The following CEP112 variants were observed in gnomAD, a reference collection of about 807,000 sequenced individuals.
CEP112 encodes centrosomal protein of 112 kDa.
CEP112 carries 127 observed loss-of-function variants against 153.0 expected under a neutral mutation model. The observed-to-expected ratio is 0.83, with a 90% CI of 0.72 to 0.96. CEP112 has a LOEUF of 0.96. CEP112 is among the 40% of genes least tolerant of loss of function. The probability of loss-of-function intolerance (pLI) is 0.00; values close to 1 mark genes in which losing one functional copy is unlikely to be tolerated. For synonymous variants in CEP112, 358 were observed against 374.4 expected, an observed-to-expected ratio of 0.96 and a Z score of 0.51; for missense variants, 1,089 against 1,101.2, an observed-to-expected ratio of 0.99 and a Z score of 0.16.
At chr17:65,829,330 C>G (rs1398391679) in intron 21 of CEP112, among the ~76,000 whole-genome samples, 7 of 152,062 alleles carry the variant, frequency 4.6e-5, no homozygotes, top group African/African-American at 1.7e-4. Flanking sequence ...GCAAACCAGG[C>G]CCATAGAGAA....
intron 6 of CEP112, among the ~76,000 whole-genome samples, chr17:66,121,156 A>G (rs1264896690): frequency 6.6e-6 from 1 of 152,128 alleles, no homozygotes; most frequent in Non-Finnish European, 1.5e-5. Flanking sequence ...CATGCCTGTA[A>G]TCCCAGCTAC....
At chr17:65,800,665 A>G (rs2145818833) in intron 21 of CEP112, among the ~76,000 whole-genome samples, 1 of 152,288 alleles carries the variant, frequency 6.6e-6, no homozygotes, top group South Asian at 2.1e-4. Context: ...TCTAAGTTTA[A>G]TTTTTTGAGA....
At chr17:66,120,570 A>C (rs1429272409) in intron 6 of CEP112, among the ~76,000 whole-genome samples, 2 of 152,118 alleles carry the variant, frequency 1.3e-5, no homozygotes, top group Non-Finnish European at 2.9e-5. Flanking sequence ...TATCTATTTC[A>C]TCTTAAGTGA....
At chr17:65,851,704 C>T in intron 21 of CEP112, 100 bp downstream of exon 21, 6 of 814,236 alleles carry the variant, frequency 7.4e-6, no homozygotes, top group Non-Finnish European at 1.2e-5. Flanking sequence ...AAGAGTAATG[C>T]CATGTCTACT....
rs572751252 is a variant in CEP112, at chr17:65,696,947, G to C, written c.2608-7729C>G. Among the ~76,000 whole-genome samples, 9 of 152,234 alleles carry C rather than the reference G, an allele frequency of 5.9e-5. No homozygotes were observed. The South Asian group carries it at 1.9e-3, about 32-fold the overall frequency. On this transcript the variant is annotated intron_variant, in intron 23 of 26. Coordinates refer to ENST00000535342, the MANE Select transcript of CEP112 (RefSeq NM_001199165.4). Reference sequence around the variant, plus strand: ...CTCAGTGGGGAGGAGGGATGCGGGAGGATTTACCCCATGAATGTTTTGAAC... The same window carrying C: ...CTCAGTGGGGAGGAGGGATGCGGGACGATTTACCCCATGAATGTTTTGAAC...
rs772197906 is a variant in CEP112 at position 65,852,016 on chromosome 17, C to T, written c.2182G>A (p.Ala728Thr). ...RDAQVIADME[A>T]QVHKLREELI... ...TCTTCTCTCAACTTGTGAACCTGGG[C>T]CTCCATGTCGGCAATAACCTTGTTT... is the stretch of plus-strand genomic sequence containing the variant. The change falls in exon 21 of 27, where the codon GCC becomes ACC. Residue 728 changes from alanine (A) to threonine (T), a missense_variant. By Grantham distance (58) the Ala-to-Thr change is moderately conservative (BLOSUM62 0). Transcript: ENST00000535342. 6.8e-6 allele frequency: 11 copies of T among 1,609,396 alleles called. No homozygotes were observed. The African/African-American group carries it at 1.5e-4, about 22-fold the overall frequency.
intron 21 of CEP112, among the ~76,000 whole-genome samples, chr17:65,758,610 A>G (rs960424883): frequency 6.6e-6 from 1 of 152,222 alleles, no homozygotes; most frequent in African/African-American, 2.4e-5. Flanking sequence ...AGATTTGTCT[A>G]AAATATTTAT....
In CEP112 at chr17:65,928,024, A is replaced by G. The variant is rs148922866; in HGVS notation, c.1873-335T>C. Among the ~76,000 whole-genome samples, 405 of 152,326 alleles carry G rather than the reference A, an allele frequency of 2.7e-3. 3 individuals are homozygous for G. The highest frequency in any genetic ancestry group is 6.8e-3 in the Middle Eastern group (2 of 294). On this transcript the variant is annotated intron_variant, in intron 18 of 26. Transcript: ENST00000535342. ...GAATGAGATAAAATATTTCCAAATCATATCTCTAATAAGAGACATATCTTG... is the reference window on the plus strand; with the variant it reads ...GAATGAGATAAAATATTTCCAAATCGTATCTCTAATAAGAGACATATCTTG...
chr17:65,948,271 A>G (rs2061707362), intron 18 of CEP112, among the ~76,000 whole-genome samples: 1 of 152,192 alleles, frequency 6.6e-6, no homozygotes, highest in South Asian at 2.1e-4. Context: ...TTAGCATCAT[A>G]TATCTAATGA....
At chr17:65,820,278 A>G (rs1351117088) in intron 21 of CEP112, among the ~76,000 whole-genome samples, 2 of 152,152 alleles carry the variant, frequency 1.3e-5, no homozygotes, top group Admixed American at 6.5e-5. Flanking sequence ...TCTCTCTTCC[A>G]TAAAAGATCC....
At chr17:66,134,562 G>C (rs970616724) in intron 4 of CEP112, among the ~76,000 whole-genome samples, 18 of 152,166 alleles carry the variant, frequency 1.2e-4, no homozygotes, top group African/African-American at 4.1e-4. Flanking sequence ...CTCTGGCCAG[G>C]TGCAGTAGCT....
intron 4 of CEP112, among the ~76,000 whole-genome samples, chr17:66,142,733 T>C (rs550585699): frequency 6.6e-6 from 1 of 152,304 alleles, no homozygotes; most frequent in South Asian, 2.1e-4. Flanking sequence ...GCCAGTATCA[T>C]ACTGTTTCAA....
chr17:66,016,961 T>C (rs527366217), intron 16 of CEP112, among the ~76,000 whole-genome samples: 1 of 152,330 alleles, frequency 6.6e-6, no homozygotes, highest in Admixed American at 6.5e-5. Flanking sequence ...TTGGCTCCTC[T>C]GAAAAACTGG....
intron 1 of CEP112, among the ~76,000 whole-genome samples, chr17:66,185,086 C>A (rs1346458052): frequency 6.6e-6 from 1 of 152,122 alleles, no homozygotes; most frequent in Non-Finnish European, 1.5e-5. Flanking sequence ...GGGGCAGAGT[C>A]TCAACACAAA....
At chr17:65,921,212 A>G (rs1262401219) in intron 19 of CEP112, among the ~76,000 whole-genome samples, 2 of 152,150 alleles carry the variant, frequency 1.3e-5, no homozygotes, top group Non-Finnish European at 2.9e-5. Context: ...AAAGCCAGAT[A>G]TATTACATCT....
At chr17:65,684,977 A>G (rs1236466693) in intron 24 of CEP112, among the ~76,000 whole-genome samples, 1 of 152,228 alleles carries the variant, frequency 6.6e-6, no homozygotes, top group East Asian at 1.9e-4. Context: ...GTGATTTTAA[A>G]TTGCTGTTTA....
intron 20 of CEP112, among the ~76,000 whole-genome samples, chr17:65,881,100 A>G (rs1019493816): frequency 1.3e-5 from 2 of 152,130 alleles, no homozygotes; most frequent in Admixed American, 6.5e-5. Context: ...TTGTAGTCCC[A>G]GCTACTCGGG....
rs568061407 is a variant in CEP112 at position 66,083,276 on chromosome 17, C to T, written c.768+12975G>A. On this transcript the variant is annotated intron_variant, in intron 8 of 26. Coordinates refer to ENST00000535342, the MANE Select transcript of CEP112 (RefSeq NM_001199165.4). Reference sequence around the variant, plus strand: ...TTCCCTGCACATGCTCTCTTGCCTGCCACCATGTAAGATGTGCTTTTGCTC... The same window carrying T: ...TTCCCTGCACATGCTCTCTTGCCTGTCACCATGTAAGATGTGCTTTTGCTC... 1.8e-4 allele frequency among the ~76,000 whole-genome samples: 27 copies of T among 152,266 alleles called. 1 individual carries two copies. The South Asian group carries it at 5.6e-3, about 32-fold the overall frequency.
intron 1 of CEP112, among the ~76,000 whole-genome samples, chr17:66,185,985 T>C (rs2072915211): frequency 6.6e-6 from 1 of 152,160 alleles, no homozygotes; most frequent in African/African-American, 2.4e-5. Flanking sequence ...CTTTCCTCAG[T>C]CATTAGAGGT....
Sources: allele counts gnomAD v4.1 joint callset (sites outside exome capture counted in the v4.1 genomes callset), GRCh38; gene constraint gnomAD v4.1.1; transcripts MANE v1.5; gene names NCBI Gene and HGNC (gene_info 2026-07-23, HGNC 2026-07-21).